Variants in OPCML observed in about 807,000 individuals in gnomAD.
The protein encoded by OPCML is opioid binding protein/cell adhesion molecule like.
In OPCML, 13 loss-of-function variants were observed where a neutral mutation model predicts 37.8. That is an observed-to-expected ratio of 0.34 (90% CI 0.22 to 0.55). The LOEUF (loss-of-function observed/expected upper bound fraction) is 0.55. Ranked by LOEUF, OPCML falls within the 20% of genes least tolerant of loss-of-function variation. The pLI is 0.91. For synonymous variants in OPCML, 176 were observed against 168.8 expected (o/e 1.04, Z -0.33); for missense variants, 341 against 435.6 (o/e 0.78, Z 1.93).
intron 2 of OPCML, among the ~76,000 whole-genome samples, chr11:132,759,727 G>C (rs1591568745): frequency 1.3e-5 from 2 of 151,828 alleles, no homozygotes; most frequent in Admixed American, 1.3e-4. Flanking sequence ...TATCTATTTT[G>C]TTAATCTTTT....
intron 4 of OPCML, among the ~76,000 whole-genome samples, chr11:132,446,783 T>A (rs2096056506): frequency 1.3e-5 from 2 of 152,114 alleles, no homozygotes; most frequent in African/African-American, 4.8e-5. Context: ...ACGACAGCAT[T>A]TTTTTTAGAA....
intron 2 of OPCML, among the ~76,000 whole-genome samples, chr11:132,940,603 A>C (rs1397771279): frequency 6.6e-6 from 1 of 152,222 alleles, no homozygotes; most frequent in Admixed American, 6.5e-5. Context: ...ACTCTCCCTC[A>C]GAGTACTGAC....
intron 1 of OPCML, among the ~76,000 whole-genome samples, chr11:133,140,763 CGAA>C (rs5795825): frequency 0.016 from 797 of 48,908 alleles, 38 homozygotes; most frequent in African/African-American, 0.032. Context: ...AAGAAGACGA[CGAA>C]GAAGAAGAAG....
In OPCML at chr11:132,417,188, G is replaced by A. The variant is rs1048741957; in HGVS notation, c.*3005C>T. Reference sequence around the variant, plus strand: ...TAGGCATTCTCCATGTACTCTCCGTGTGTGAAGTTGGAAAAGTGTGGATAT... The same window carrying A: ...TAGGCATTCTCCATGTACTCTCCGTATGTGAAGTTGGAAAAGTGTGGATAT... On this transcript the variant is annotated 3_prime_UTR_variant, in exon 8 of 8. Transcript: ENST00000524381. 1.3e-4 allele frequency: 20 copies of A among 152,218 alleles called. No homozygotes were observed. The highest frequency in any genetic ancestry group is 4.8e-4 in the African/African-American group (20 of 41,434). The allele number at this position is 152,218 out of a possible 1,614,324, so 9.4% of individuals were successfully genotyped here.
chr11:132,500,769 T>A lies in OPCML; in HGVS notation c.505+28292A>T, dbSNP rs371869564. Among the ~76,000 whole-genome samples the A allele has an allele frequency of 6.6e-5, 10 of 152,252 alleles. No homozygotes were observed. In the East Asian group the frequency reaches 1.5e-3, roughly 24 times the overall value. On this transcript the variant is annotated intron_variant, in intron 4 of 7. Coordinates refer to ENST00000524381, the MANE Select transcript of OPCML (RefSeq NM_001012393.5). The stretch of plus-strand genomic sequence containing the variant: ...CCTCTCTGTGTCCACGTGTTCTCAT[T>A]GTTCATCTCCCACTTATGAGTGAGA...
intron 3 of OPCML, among the ~76,000 whole-genome samples, chr11:132,643,876 C>T (rs73593147): frequency 0.13 from 19,511 of 152,182 alleles, 2,564 homozygotes; most frequent in African/African-American, 0.34. Context: ...ATGAAATCTA[C>T]ATCCTGAATC....
intron 1 of OPCML, among the ~76,000 whole-genome samples, chr11:133,034,899 C>T (rs1343601932): frequency 3.4e-5 from 5 of 147,700 alleles, no homozygotes; most frequent in East Asian, 1.9e-4. Flanking sequence ...AGCGCTGGTT[C>T]GCACGGGCAC....
At chr11:133,532,144 C>A in intron 1 of OPCML, 120 bp downstream of exon 1, 1 of 1,469,334 alleles carries the variant, frequency 6.8e-7, no homozygotes, top group Non-Finnish European at 9.2e-7. Flanking sequence ...CACTCACATG[C>A]ATCTCACACT....
chr11:133,427,915 A>C lies in OPCML; in HGVS notation c.61+104349T>G, dbSNP rs192186271. On this transcript the variant is annotated intron_variant, in intron 1 of 7. Transcript: ENST00000524381. The stretch of plus-strand genomic sequence containing the variant: ...CCCACACCTCTACACACACGATTAT[A>C]CTCACATCCTGCCTTCTATCCTGGA... Among the ~76,000 whole-genome samples, 108 of 152,280 alleles carry C rather than the reference A, an allele frequency of 7.1e-4. 3 individuals are homozygous for C. In the East Asian group the frequency reaches 0.019, roughly 26 times the overall value.
chr11:132,894,531 C>T (rs1394617213), intron 2 of OPCML, among the ~76,000 whole-genome samples: 3 of 152,164 alleles, frequency 2.0e-5, no homozygotes, highest in Non-Finnish European at 4.4e-5. Context: ...TTTACGTATC[C>T]ACCTACTGGA....
intron 1 of OPCML, chr11:133,025,638 TC>T (rs1268691776): frequency 2.2e-5 from 5 of 226,952 alleles, no homozygotes; most frequent in Non-Finnish European, 2.9e-5. Context: ...GCCAGGCTAG[TC>T]TCAAGTCCTG....
chr11:132,583,577 G>T (rs2096466423), intron 3 of OPCML, among the ~76,000 whole-genome samples: 1 of 152,110 alleles, frequency 6.6e-6, no homozygotes, highest in South Asian at 2.1e-4. Flanking sequence ...TGGGATTACA[G>T]TTGTGAGTCA....
chr11:132,435,324 T>G, intron 7 of OPCML: 12 of 1,070,342 alleles, frequency 1.1e-5, no homozygotes, highest in Non-Finnish European at 1.4e-5. Context: ...CGTGGAAACG[T>G]GGATACCTCT....
At chr11:133,045,191 T>G (rs558078663) in intron 1 of OPCML, among the ~76,000 whole-genome samples, 1 of 152,232 alleles carries the variant, frequency 6.6e-6, no homozygotes, top group South Asian at 2.1e-4. Flanking sequence ...CCAGCAACCT[T>G]GGGGTGCATT....
At chr11:133,384,974 G>T (rs1054438524) in intron 1 of OPCML, among the ~76,000 whole-genome samples, 3 of 152,330 alleles carry the variant, frequency 2.0e-5, no homozygotes, top group Non-Finnish European at 4.4e-5. Context: ...CAGATCCCAG[G>T]GTGGCCCCGA....
chr11:133,285,869 T>G (rs1942281414), intron 1 of OPCML, among the ~76,000 whole-genome samples: 1 of 152,174 alleles, frequency 6.6e-6, no homozygotes. Context: ...TACAAAGATG[T>G]GAACAGTAAA....
chr11:133,427,352 C>T (rs902039633), intron 1 of OPCML, among the ~76,000 whole-genome samples: 47 of 133,306 alleles, frequency 3.5e-4, no homozygotes, highest in Non-Finnish European at 5.0e-4. Context: ...TAAAAATCAC[C>T]TTCCTAAATT....
chr11:132,625,197 T>A (rs980749721), intron 3 of OPCML, among the ~76,000 whole-genome samples: 5 of 152,192 alleles, frequency 3.3e-5, no homozygotes, highest in South Asian at 2.1e-4. Flanking sequence ...TTTGTTTTTT[T>A]CTCCTGCCTC....
intron 1 of OPCML, among the ~76,000 whole-genome samples, chr11:133,228,368 TCA>T (rs1381912684): frequency 6.6e-6 from 1 of 152,174 alleles, no homozygotes. Flanking sequence ...GTGGTGAAGG[TCA>T]CACAGCATAC....
Sources: gnomAD v4.1 joint callset for allele counts (sites outside exome capture counted in the v4.1 genomes callset) on GRCh38, gnomAD v4.1.1 for gene constraint, MANE v1.5 for transcripts, NCBI Gene and HGNC (gene_info 2026-07-23, HGNC 2026-07-21) for gene names.